CUL1: variants seen among roughly 807,000 people sequenced by gnomAD.
The protein encoded by CUL1 is cullin-1.
In CUL1, 24 loss-of-function variants were observed where a neutral mutation model predicts 118.0. That is an observed-to-expected ratio of 0.20 (90% CI 0.15 to 0.29). The LOEUF (loss-of-function observed/expected upper bound fraction) is 0.29, where lower values mean the gene tolerates loss of function less well. Among genes scored for constraint, CUL1 ranks in the 10% least tolerant of loss-of-function variants. The pLI is 1.00. For missense variants in CUL1, 361 were observed against 933.8 expected, an observed-to-expected ratio of 0.39 and a Z score of 7.99; for synonymous variants, 332 against 340.4, an observed-to-expected ratio of 0.98 and a Z score of 0.27.
At chr7:148,757,506 G>A (rs1036236890) in intron 4 of CUL1, among the ~76,000 whole-genome samples, 5 of 152,196 alleles carry the variant, frequency 3.3e-5, no homozygotes, top group African/African-American at 1.2e-4. Flanking sequence ...ACCTGAGGGC[G>A]AGCCCTGAGG....
In CUL1 at chr7:148,708,281, A is replaced by G. The variant is rs112723566; in HGVS notation, c.-162+9252A>G. On this transcript the variant is annotated intron_variant, in intron 1 of 21. Transcript: ENST00000325222. The stretch of plus-strand genomic sequence containing the variant: ...CTTTCTTCCAACTTGGCTTGCCCCA[A>G]ACTGATCTCTTTTTTGCTCCCTAGA... Among the ~76,000 whole-genome samples, 290 of 152,272 alleles carry G rather than the reference A, an allele frequency of 1.9e-3. 1 individual carries two copies. Among genetic ancestry groups the G allele is most frequent in the African/African-American group, 6.5e-3 (269 of 41,546 alleles).
At position 148,787,149 on chromosome 7, in the gene CUL1, C is replaced by A; in HGVS notation, c.1479+29C>A. 6.2e-7 allele frequency: 1 copy of A among 1,610,666 alleles called. No homozygotes were observed. The highest frequency in any genetic ancestry group is 1.1e-5 in the South Asian group (1 of 90,882). ...AGTTTCATCTTTTCCTGAAAAATCC[C>A]AGCTTCTGAGTCATTATTAAAACAG... is the stretch of plus-strand genomic sequence containing the variant. On this transcript the variant is annotated intron_variant, in intron 13 of 21. Transcript: ENST00000325222. The surrounding 1 kb of genome is among the most constrained non-coding windows in gnomAD (Gnocchi z 5.5).
rs779339332 is a variant in CUL1 at position 148,788,616 on chromosome 7, G to A, written c.1539G>A (p.Val513=). 10 of 1,614,040 alleles carry A rather than the reference G, an allele frequency of 6.2e-6. No homozygotes were observed. Among genetic ancestry groups the A allele is most frequent in the Non-Finnish European group, 8.5e-6 (10 of 1,180,044 alleles). Residue 513 remains valine (V), a synonymous_variant, in exon 14 of 22, where the codon GTG becomes GTA. Transcript: ENST00000325222. ...KLQRMFQDIG[V]SKDLNEQFKK... ...AGCGCATGTTTCAAGACATTGGCGT[G>A]AGCAAAGATCTGAACGAGCAATTCA... is the stretch of plus-strand genomic sequence containing the variant.
At chr7:148,760,590 C>A in intron 7 of CUL1, 94 bp downstream of exon 7, 1 of 875,044 alleles carries the variant, frequency 1.1e-6, no homozygotes, top group Non-Finnish European at 1.7e-6. Flanking sequence ...CTTTACAAGT[C>A]ATTTGTTGGG....
At position 148,759,427 on chromosome 7, in the gene CUL1, C is replaced by T. The variant is rs142251702; in HGVS notation, c.534+73C>T. ...CAGTTTCGTTGCTTAGCTTTTGTCT[C>T]GTCACTCCTTCGGATTATCCCATCT... On this transcript the variant is annotated intron_variant, in intron 5 of 21. Coordinates refer to ENST00000325222, the MANE Select transcript of CUL1 (RefSeq NM_003592.3). 3,491 of 1,523,430 alleles carry T rather than the reference C, an allele frequency of 2.3e-3. 9 individuals are homozygous for T. Among genetic ancestry groups the T allele is most frequent in the South Asian group, 5.4e-3 (483 of 88,848 alleles). 94.4% of individuals were successfully genotyped at this position (1,523,430 alleles called of 1,614,324 possible). A position where few individuals can be genotyped will look rare whatever the true frequency, so the allele number is the denominator to read the frequency against.
intron 1 of CUL1, among the ~76,000 whole-genome samples, chr7:148,719,321 T>A (rs1042236143): frequency 9.9e-5 from 15 of 151,596 alleles, no homozygotes; most frequent in East Asian, 3.9e-4. Flanking sequence ...AAAAAAAAAA[T>A]AAAATAACTT....
chr7:148,774,068 C>T (rs146667508), intron 9 of CUL1, among the ~76,000 whole-genome samples: 7 of 152,186 alleles, frequency 4.6e-5, no homozygotes, highest in African/African-American at 9.6e-5. Context: ...TTAAATAAAT[C>T]GGAGAATAGC....
intron 6 of CUL1, 122 bp from the exon 7 acceptor site, chr7:148,760,211 G>A: frequency 2.8e-6 from 2 of 713,666 alleles, no homozygotes; most frequent in Non-Finnish European, 4.4e-6. Flanking sequence ...AGTTACTTAT[G>A]TCCTGCCATT....
chr7:148,716,292 C>A (rs1240557622), intron 1 of CUL1, among the ~76,000 whole-genome samples: 1 of 152,060 alleles, frequency 6.6e-6, no homozygotes, highest in Non-Finnish European at 1.5e-5. Context: ...TATGTAACTA[C>A]TATAATTTCA....
chr7:148,785,944 C>T (rs575728313), intron 11 of CUL1, among the ~76,000 whole-genome samples: 2 of 152,174 alleles, frequency 1.3e-5, no homozygotes, highest in African/African-American at 2.4e-5. Context: ...GTGGCTGATT[C>T]GTTTTATATG....
At chr7:148,709,900 T>C (rs765910794) in intron 1 of CUL1, among the ~76,000 whole-genome samples, 5 of 151,938 alleles carry the variant, frequency 3.3e-5, no homozygotes, top group Non-Finnish European at 7.4e-5. Context: ...CTGGGCAACG[T>C]AGTGAAACCC....
At chr7:148,712,421 G>C (rs1231520993) in intron 1 of CUL1, among the ~76,000 whole-genome samples, 1 of 152,210 alleles carries the variant, frequency 6.6e-6, no homozygotes, top group Non-Finnish European at 1.5e-5. Flanking sequence ...CCTCCACCCT[G>C]TGCTGAAAGT....
intron 2 of CUL1, among the ~76,000 whole-genome samples, chr7:148,733,165 A>G (rs1260434767): frequency 6.6e-6 from 1 of 152,190 alleles, no homozygotes; most frequent in African/African-American, 2.4e-5. Flanking sequence ...TGTAGTCTTC[A>G]GCTACTGTAT....
At chr7:148,721,463 T>C (rs28621873) in intron 1 of CUL1, among the ~76,000 whole-genome samples, 4,629 of 152,252 alleles carry the variant, frequency 0.03, 199 homozygotes, top group African/African-American at 0.095. Flanking sequence ...GCTTTTTTTT[T>C]TCTCTGCAAA....
chr7:148,748,720 C>A (rs1039362787), intron 2 of CUL1, among the ~76,000 whole-genome samples: 8 of 152,186 alleles, frequency 5.3e-5, no homozygotes, highest in Admixed American at 5.2e-4. Context: ...AAATAATGGC[C>A]CCCCCGTTCT....
chr7:148,770,511 A>G (rs950712725), intron 9 of CUL1, among the ~76,000 whole-genome samples: 1 of 152,254 alleles, frequency 6.6e-6, no homozygotes, highest in Non-Finnish European at 1.5e-5. Context: ...TCGGGAAAGC[A>G]AATACTTTTC....
chr7:148,749,560 A>G (rs1799418651), intron 2 of CUL1, among the ~76,000 whole-genome samples: 1 of 152,160 alleles, frequency 6.6e-6, no homozygotes, highest in Admixed American at 6.5e-5. Context: ...TTGAGGCGCC[A>G]CACACTGCAC....
chr7:148,755,284 TC>T (rs1272686529), intron 3 of CUL1, among the ~76,000 whole-genome samples: 1 of 152,174 alleles, frequency 6.6e-6, no homozygotes, highest in Non-Finnish European at 1.5e-5. Context: ...AGTGGGTCCT[TC>T]ATCTGGTTCT....
At chr7:148,721,514 A>T (rs1798395823) in intron 1 of CUL1, among the ~76,000 whole-genome samples, 1 of 152,080 alleles carries the variant, frequency 6.6e-6, no homozygotes, top group Non-Finnish European at 1.5e-5. Flanking sequence ...TTTCAATCAC[A>T]AAAATATGTA....
Sources: gnomAD v4.1 joint callset for allele counts (sites outside exome capture counted in the v4.1 genomes callset) on GRCh38, gnomAD v4.1.1 for gene constraint, Gnocchi (gnomAD v3.1) non-coding constraint, MANE v1.5 for transcripts, NCBI Gene and HGNC (gene_info 2026-07-23, HGNC 2026-07-21) for gene names.